The following RAB38 variants were observed in gnomAD, a reference collection of about 807,000 sequenced individuals.
The protein encoded by RAB38 is RAB38, member RAS oncogene family.
RAB38 carries 15 observed loss-of-function variants against 18.4 expected under a neutral mutation model. The observed-to-expected ratio is 0.82, with a 90% CI of 0.55 to 1.26. RAB38 has a LOEUF of 1.26. RAB38 is among the 50% of genes most tolerant of loss of function. RAB38 has a pLI of 0.00. For synonymous variants in RAB38, 101 were observed against 104.4 expected (o/e 0.97, Z 0.20); for missense variants, 294 against 267.4 (o/e 1.10, Z -0.69).
At chr11:87,834,147 C>T in the RAB38 span, among the ~76,000 whole-genome samples, 3 of 152,110 alleles carry the variant, frequency 2.0e-5, no homozygotes, top group African/African-American at 7.2e-5. Flanking sequence ...AGTCGTGGTC[C>T]ATTTGGAAAG....
chr11:88,174,032 C>G, intron 1 of RAB38: 1 of 985,390 alleles, frequency 1.0e-6, no homozygotes. Context: ...GCACTTATAA[C>G]GAAAGGTTCC....
chr11:87,964,740 C>T, the RAB38 span, among the ~76,000 whole-genome samples: 49 of 152,190 alleles, frequency 3.2e-4, no homozygotes, highest in Admixed American at 2.5e-3. Flanking sequence ...AAAATTGCTT[C>T]CACATTTTCC....
the RAB38 span, among the ~76,000 whole-genome samples, chr11:88,092,091 G>T: frequency 6.6e-6 from 1 of 151,782 alleles, no homozygotes; most frequent in African/African-American, 2.4e-5. Context: ...AGTGATCAAT[G>T]AGGGGAGGTA....
the RAB38 span, among the ~76,000 whole-genome samples, chr11:87,806,136 G>C: frequency 6.6e-6 from 1 of 152,184 alleles, no homozygotes. Context: ...AATTTGTAGA[G>C]AGTTATGAAT....
intron 2 of RAB38, among the ~76,000 whole-genome samples, chr11:88,148,292 G>A (rs1943016760): frequency 6.6e-6 from 1 of 152,198 alleles, no homozygotes; most frequent in Admixed American, 6.5e-5. Context: ...ACATCCCACT[G>A]TGACAGAAAA....
the RAB38 span, among the ~76,000 whole-genome samples, chr11:87,950,696 G>A: frequency 1.3e-5 from 2 of 152,144 alleles, no homozygotes; most frequent in Non-Finnish European, 2.9e-5. Flanking sequence ...TTTTCTTTAA[G>A]AATCTTGAAT....
intron 2 of RAB38, among the ~76,000 whole-genome samples, chr11:88,126,196 C>T (rs879887893): frequency 2.0e-5 from 3 of 152,070 alleles, no homozygotes; most frequent in Non-Finnish European, 2.9e-5. Flanking sequence ...CTTGGCAATG[C>T]GGGCTCTTTT....
chr11:88,092,536 A>G, the RAB38 span, among the ~76,000 whole-genome samples: 2 of 151,640 alleles, frequency 1.3e-5, no homozygotes, highest in African/African-American at 4.8e-5. Flanking sequence ...GTACAGCACC[A>G]AGTCATTCAT....
chr11:88,056,077 TA>T, the RAB38 span, among the ~76,000 whole-genome samples: 1,916 of 152,224 alleles, frequency 0.013, 46 homozygotes, highest in African/African-American at 0.044. Context: ...TTTGTGTAAT[TA>T]TTTTTAGCTC....
chr11:88,134,399 C>G (rs575203091), intron 2 of RAB38, among the ~76,000 whole-genome samples: 1 of 142,498 alleles, frequency 7.0e-6, no homozygotes, highest in African/African-American at 2.5e-5. Flanking sequence ...TGCCACCATG[C>G]CTGGTTAATT....
At position 88,140,286 on chromosome 11, in the gene RAB38, A is replaced by T. The variant is rs963464017; in HGVS notation, c.483+9389T>A. Among the ~76,000 whole-genome samples the T allele has an allele frequency of 2.0e-4, 31 of 152,190 alleles. 1 individual carries two copies. The highest frequency in any genetic ancestry group is 5.9e-5 in the Non-Finnish European group (4 of 68,028). On this transcript the variant is annotated intron_variant, in intron 2 of 2. Coordinates refer to ENST00000243662, the MANE Select transcript of RAB38 (RefSeq NM_022337.3). ...GCTTTCTGGATGAAAGGAGTTACAT[A>T]ATGTGGGGTCCTCCTGGGAACTACA...
the RAB38 span, among the ~76,000 whole-genome samples, chr11:87,967,157 T>C: frequency 3.3e-5 from 5 of 152,250 alleles, no homozygotes; most frequent in African/African-American, 9.6e-5. Context: ...GAGATTTATA[T>C]TTCCACCTTT....
At chr11:87,883,655 G>A in the RAB38 span, among the ~76,000 whole-genome samples, 375 of 152,030 alleles carry the variant, frequency 2.5e-3, 2 homozygotes, top group Admixed American at 4.1e-3. Context: ...TTTTCTAGGT[G>A]TGCCCAACTT....
intron 2 of RAB38, among the ~76,000 whole-genome samples, chr11:88,120,891 T>G (rs1003950797): frequency 2.0e-5 from 3 of 152,176 alleles, no homozygotes; most frequent in African/African-American, 7.2e-5. Flanking sequence ...TCACAGAGAA[T>G]CACCAAATAT....
chr11:88,167,349 T>C (rs1943257635), intron 1 of RAB38: 1 of 152,126 alleles, frequency 6.6e-6, no homozygotes, highest in African/African-American at 2.4e-5. Flanking sequence ...ACAGTTATGA[T>C]GGTCGTGACT....
At chr11:88,023,613 A>T in the RAB38 span, among the ~76,000 whole-genome samples, 6 of 152,164 alleles carry the variant, frequency 3.9e-5, no homozygotes, top group African/African-American at 1.4e-4. Context: ...CACAAAGAAC[A>T]AAACTGGAGG....
At chr11:88,047,973 T>G in the RAB38 span, among the ~76,000 whole-genome samples, 2 of 152,236 alleles carry the variant, frequency 1.3e-5, no homozygotes, top group Non-Finnish European at 2.9e-5. Flanking sequence ...TCCATGTAGG[T>G]TACAAGCCAC....
the RAB38 span, among the ~76,000 whole-genome samples, chr11:87,977,358 G>T: frequency 1.2e-4 from 13 of 106,416 alleles, no homozygotes; most frequent in African/African-American, 3.4e-4. Flanking sequence ...TATTATATAA[G>T]TATATTATAA....
At chr11:88,033,918 A>G in the RAB38 span, among the ~76,000 whole-genome samples, 24,220 of 151,606 alleles carry the variant, frequency 0.16, 3,321 homozygotes, top group African/African-American at 0.36. Flanking sequence ...TAGTAGAGAC[A>G]GAGTTTCAAC....
Sources: allele counts gnomAD v4.1 joint callset (sites outside exome capture counted in the v4.1 genomes callset), GRCh38; gene constraint gnomAD v4.1.1; transcripts MANE v1.5; gene names NCBI Gene and HGNC (gene_info 2026-07-23, HGNC 2026-07-21).